Variants in PRKN observed in about 807,000 individuals in gnomAD.
PRKN encodes the protein E3 ubiquitin-protein ligase parkin.
In PRKN, 56 loss-of-function variants were observed where a neutral mutation model predicts 59.5. The observed-to-expected ratio is 0.94, with a 90% CI of 0.76 to 1.18. The LOEUF (loss-of-function observed/expected upper bound fraction) is 1.18. Among genes scored for constraint, PRKN ranks in the 50% most tolerant of loss-of-function variants. The pLI is 0.00. For synonymous variants in PRKN, 250 were observed against 222.1 expected, an observed-to-expected ratio of 1.13 and a Z score of -1.12; for missense variants, 657 against 596.4, an observed-to-expected ratio of 1.10 and a Z score of -1.06.
chr6:161,425,891 C>T (rs1788329649), intron 9 of PRKN, among the ~76,000 whole-genome samples: 1 of 152,062 alleles, frequency 6.6e-6, no homozygotes, highest in African/African-American at 2.4e-5. Flanking sequence ...TTTAATAGCT[C>T]ATGTTGGGCC....
intron 7 of PRKN, among the ~76,000 whole-genome samples, chr6:161,705,222 G>A (rs1786434640): frequency 6.6e-6 from 1 of 152,170 alleles, no homozygotes; most frequent in Non-Finnish European, 1.5e-5. Flanking sequence ...AATATCATAA[G>A]TCAAAAATGC....
chr6:161,685,226 G>A (rs1052768054), intron 7 of PRKN, among the ~76,000 whole-genome samples: 11 of 152,106 alleles, frequency 7.2e-5, no homozygotes, highest in Admixed American at 6.5e-4. Context: ...CTCCCTGTCT[G>A]GAATGATCTG....
intron 7 of PRKN, among the ~76,000 whole-genome samples, chr6:161,754,368 A>G (rs990632242): frequency 6.6e-6 from 1 of 151,930 alleles, no homozygotes; most frequent in African/African-American, 2.4e-5. Flanking sequence ...TTTCCTTGAG[A>G]GACGACCTGG....
At chr6:162,352,994 T>C (rs1467320416) in intron 2 of PRKN, among the ~76,000 whole-genome samples, 1 of 152,146 alleles carries the variant, frequency 6.6e-6, no homozygotes, top group Non-Finnish European at 1.5e-5. Context: ...GAAATAGAAC[T>C]TTCCTATAAT....
At chr6:162,005,983 T>G (rs1583468779) in intron 5 of PRKN, among the ~76,000 whole-genome samples, 1 of 152,182 alleles carries the variant, frequency 6.6e-6, no homozygotes, top group East Asian at 1.9e-4. Flanking sequence ...TTTATGATGA[T>G]GGTGACATTG....
intron 3 of PRKN, among the ~76,000 whole-genome samples, chr6:162,228,933 C>A (rs2128084971): frequency 6.6e-6 from 1 of 152,294 alleles, no homozygotes; most frequent in Non-Finnish European, 1.5e-5. Context: ...CCAGTAGCTG[C>A]TGCTTTGCGG....
Position 162,114,995 on chromosome 6 carries a change from G to A in PRKN, c.535-60821C>T, listed in dbSNP as rs574676389. On this transcript the variant is annotated intron_variant, in intron 4 of 11. Coordinates refer to ENST00000366898, the MANE Select transcript of PRKN (RefSeq NM_004562.3). Reference sequence around the variant, plus strand: ...TTTGACCCAGGCATCCCATTACTGGGTATATACCCAAAGGACTATAAATCA... The same window carrying A: ...TTTGACCCAGGCATCCCATTACTGGATATATACCCAAAGGACTATAAATCA... 7.9e-3 allele frequency among the ~76,000 whole-genome samples: 1,199 copies of A among 151,646 alleles called. 12 individuals are homozygous for A. Among genetic ancestry groups the A allele is most frequent in the Non-Finnish European group, 9.9e-3 (670 of 67,894 alleles).
At chr6:162,271,561 G>A (rs1780396422) in intron 2 of PRKN, 1 of 151,794 alleles carries the variant, frequency 6.6e-6, no homozygotes, top group African/African-American at 2.4e-5. Flanking sequence ...AAAAAAAGGT[G>A]TTATTTAAAG....
At chr6:161,744,268 C>T (rs1252274291) in intron 7 of PRKN, among the ~76,000 whole-genome samples, 2 of 151,764 alleles carry the variant, frequency 1.3e-5, no homozygotes, top group African/African-American at 2.4e-5. Context: ...TCCAAATAAC[C>T]ATACATGCAG....
chr6:162,151,624 A>G (rs1398879418), intron 4 of PRKN, among the ~76,000 whole-genome samples: 2 of 152,232 alleles, frequency 1.3e-5, no homozygotes, highest in Non-Finnish European at 2.9e-5. Flanking sequence ...CAGAATTACA[A>G]GAAAATTTTC....
At chr6:162,080,316 G>A (rs9364637) in intron 4 of PRKN, among the ~76,000 whole-genome samples, 41,135 of 151,868 alleles carry the variant, frequency 0.27, 6,266 homozygotes, top group East Asian at 0.59. Flanking sequence ...ATCAGCTCTC[G>A]ATATCCTGTA....
chr6:161,442,043 T>A lies in PRKN; in HGVS notation c.1084-55166A>T, dbSNP rs10806745. On this transcript the variant is annotated intron_variant, in intron 9 of 11. Transcript: ENST00000366898. The surrounding 1 kb of genome is among the most constrained non-coding windows in gnomAD (Gnocchi z 4.6). ...CAGAAGTTATAGAGACGATGTAAGA[T>A]GAAATACTGTTCAGTGGGCTAATGC... is the stretch of plus-strand genomic sequence containing the variant. 3.3e-5 allele frequency among the ~76,000 whole-genome samples: 5 copies of A among 152,010 alleles called. No homozygotes were observed. The highest frequency in any genetic ancestry group is 3.9e-4 in the East Asian group (2 of 5,186).
intron 6 of PRKN, among the ~76,000 whole-genome samples, chr6:161,833,204 A>C (rs933826552): frequency 6.6e-6 from 1 of 152,058 alleles, no homozygotes; most frequent in African/African-American, 2.4e-5. Context: ...AAAATGTCTT[A>C]TAAAGCCAGG....
intron 5 of PRKN, among the ~76,000 whole-genome samples, chr6:162,050,451 T>C (rs977064383): frequency 3.0e-5 from 4 of 133,294 alleles, no homozygotes; most frequent in Admixed American, 8.4e-5. Context: ...AGTTGTCCCA[T>C]TTTCCTATAT....
At chr6:161,812,034 AAAAAATGAACAGT>A (rs1350818738) in intron 6 of PRKN, among the ~76,000 whole-genome samples, 11 of 152,250 alleles carry the variant, frequency 7.2e-5, no homozygotes, top group Non-Finnish European at 8.8e-5. Flanking sequence ...AAGATAAACC[AAAAAATGAACAGT>A]AAAAGCAAAA....
intron 10 of PRKN, among the ~76,000 whole-genome samples, chr6:161,364,168 CAAAAAAAAAA>C (rs71004043): frequency 0.097 from 7,249 of 74,502 alleles, 735 homozygotes; most frequent in African/African-American, 0.3. Flanking sequence ...GACTCCGTCT[CAAAAAAAAAA>C]AAAAAAAAAG....
chr6:161,595,235 C>T (rs767035568), intron 7 of PRKN, among the ~76,000 whole-genome samples: 8 of 152,082 alleles, frequency 5.3e-5, no homozygotes, highest in Non-Finnish European at 7.4e-5. Context: ...TGTTCAAATA[C>T]GGCAAAAAGT....
intron 1 of PRKN, among the ~76,000 whole-genome samples, chr6:162,556,363 G>GTGTGTGTC (rs1227181865): frequency 1.2e-5 from 1 of 84,256 alleles, no homozygotes. Context: ...GTGTGTGTGT[G>GTGTGTGTC]TGTGTGTGTG....
intron 1 of PRKN, among the ~76,000 whole-genome samples, chr6:162,461,226 G>C (rs1397001889): frequency 6.8e-6 from 1 of 146,666 alleles, no homozygotes; most frequent in Non-Finnish European, 1.5e-5. Flanking sequence ...AGGAGGCTGG[G>C]TGTGGTGGCT....
Sources: allele counts gnomAD v4.1 joint callset (sites outside exome capture counted in the v4.1 genomes callset), GRCh38; gene constraint gnomAD v4.1.1; non-coding constraint Gnocchi (gnomAD v3.1); transcripts MANE v1.5; gene names NCBI Gene and HGNC (gene_info 2026-07-23, HGNC 2026-07-21).